The following LYPD6B variants were observed in gnomAD, a reference collection of about 807,000 sequenced individuals.
LYPD6B encodes ly6/PLAUR domain-containing protein 6B.
Under a neutral mutation model 22.8 loss-of-function variants are expected in LYPD6B, and 17 were observed. The ratio of observed to expected loss-of-function variants is 0.75; its 90% CI spans 0.51 to 1.12. The LOEUF is 1.12. Among genes scored for constraint, LYPD6B ranks in the 50% most tolerant of loss-of-function variants. LYPD6B has a pLI of 0.00. For synonymous variants in LYPD6B, 106 were observed against 91.6 expected, an observed-to-expected ratio of 1.16 and a Z score of -0.90; for missense variants, 221 against 258.3, an observed-to-expected ratio of 0.86 and a Z score of 0.99.
At chr2:149,173,995 T>A (rs202069108) in intron 3 of LYPD6B, among the ~76,000 whole-genome samples, 2 of 152,200 alleles carry the variant, frequency 1.3e-5, no homozygotes, top group Non-Finnish European at 1.5e-5. Context: ...GTACGGCCAT[T>A]TTCACAATAT....
intron 2 of LYPD6B, chr2:149,131,512 G>A (rs2105701582): frequency 6.6e-6 from 1 of 152,582 alleles, no homozygotes; most frequent in South Asian, 2.1e-4. Flanking sequence ...AAGAAAAAGA[G>A]GAGGGAAAGA....
At chr2:149,139,311 C>T (rs573798211) in intron 2 of LYPD6B, among the ~76,000 whole-genome samples, 23 of 152,288 alleles carry the variant, frequency 1.5e-4, no homozygotes, top group Middle Eastern at 3.4e-3. Context: ...TCTCAGGTGT[C>T]GTCAAAGGCT....
rs992570047 is a variant in LYPD6B, at chr2:149,160,725, A to G, written c.6-39A>G. 4 of 1,381,260 alleles carry G rather than the reference A, an allele frequency of 2.9e-6. No homozygotes were observed. The African/African-American group carries it at 4.3e-5, about 15-fold the overall frequency. The allele number at this position is 1,381,260 out of a possible 1,614,324, so 85.6% of individuals were successfully genotyped here. ...TTGTTCAAGAACGTTACTCATCGTC[A>G]GCAGTGGCTCTTTCCTTATCTTTTT... On this transcript the variant is annotated intron_variant, in intron 2 of 6. Coordinates refer to ENST00000409642, the MANE Select transcript of LYPD6B (RefSeq NM_177964.5).
chr2:149,070,671 G>A (rs952089534), intron 1 of LYPD6B, among the ~76,000 whole-genome samples: 3 of 152,134 alleles, frequency 2.0e-5, no homozygotes, highest in African/African-American at 7.2e-5. Context: ...CCCATTGTAA[G>A]CTAGCAATCA....
chr2:149,039,935 T>C (rs1233611436), intron 1 of LYPD6B, among the ~76,000 whole-genome samples: 1 of 152,222 alleles, frequency 6.6e-6, no homozygotes, highest in African/African-American at 2.4e-5. Flanking sequence ...CCTTATACTA[T>C]GTAGAAATTG....
intron 4 of LYPD6B, 65 bp downstream of exon 4, chr2:149,205,469 C>T: frequency 6.6e-7 from 1 of 1,504,706 alleles, no homozygotes; most frequent in Non-Finnish European, 9.0e-7. Context: ...ATGAAGCCCC[C>T]TTTTCCATTT....
intron 1 of LYPD6B, among the ~76,000 whole-genome samples, chr2:149,117,282 T>G (rs2105569807): frequency 6.6e-6 from 1 of 152,086 alleles, no homozygotes; most frequent in Middle Eastern, 3.4e-3. Context: ...TTTTTTTTTT[T>G]TTGAGACTTT....
chr2:149,171,850 T>C (rs1319646876), intron 3 of LYPD6B, among the ~76,000 whole-genome samples: 1 of 152,176 alleles, frequency 6.6e-6, no homozygotes, highest in Non-Finnish European at 1.5e-5. Flanking sequence ...CAATGATCTA[T>C]GTGAGAGCCC....
chr2:149,173,621 A>G (rs1034051748), intron 3 of LYPD6B, among the ~76,000 whole-genome samples: 1 of 152,188 alleles, frequency 6.6e-6, no homozygotes, highest in Non-Finnish European at 1.5e-5. Context: ...AGAATATTCT[A>G]TTTATTGCTT....
chr2:149,211,684 C>A (rs545139382), intron 5 of LYPD6B, among the ~76,000 whole-genome samples: 1 of 151,998 alleles, frequency 6.6e-6, no homozygotes, highest in East Asian at 1.9e-4. Flanking sequence ...ACTTGCTCAC[C>A]TATGACAAAG....
intron 1 of LYPD6B, among the ~76,000 whole-genome samples, chr2:149,094,758 C>T (rs990813916): frequency 3.9e-5 from 6 of 152,150 alleles, no homozygotes; most frequent in African/African-American, 1.4e-4. Flanking sequence ...ATAGATAGAT[C>T]TGACTTGTTA....
At chr2:149,213,490 A>C (rs1694003361) in intron 6 of LYPD6B, among the ~76,000 whole-genome samples, 1 of 152,248 alleles carries the variant, frequency 6.6e-6, no homozygotes, top group Non-Finnish European at 1.5e-5. Flanking sequence ...GATTAGCCTC[A>C]GTTTAATATG....
At chr2:149,091,387 T>TTA (rs1331724943) in intron 1 of LYPD6B, among the ~76,000 whole-genome samples, 2 of 150,408 alleles carry the variant, frequency 1.3e-5, no homozygotes, top group Non-Finnish European at 3.0e-5. Flanking sequence ...ACATATATAT[T>TTA]TATATATATA....
At chr2:149,181,607 C>G (rs1691727737) in intron 3 of LYPD6B, among the ~76,000 whole-genome samples, 1 of 152,140 alleles carries the variant, frequency 6.6e-6, no homozygotes, top group African/African-American at 2.4e-5. Context: ...TTGGCAGTCT[C>G]CTTTGCAAAA....
At chr2:149,125,248 C>CCCTGTTT (rs1559014426) in intron 1 of LYPD6B, among the ~76,000 whole-genome samples, 1 of 152,282 alleles carries the variant, frequency 6.6e-6, no homozygotes, top group East Asian at 1.9e-4. Context: ...AGTCAAACAA[C>CCCTGTTT]GCCTGGCCCC....
At chr2:149,201,955 T>A (rs1693187854) in intron 3 of LYPD6B, among the ~76,000 whole-genome samples, 1 of 152,186 alleles carries the variant, frequency 6.6e-6, no homozygotes, top group Non-Finnish European at 1.5e-5. Flanking sequence ...GTTTCCTCAC[T>A]TGTACAATGA....
intron 1 of LYPD6B, among the ~76,000 whole-genome samples, chr2:149,050,557 G>T (rs1319367549): frequency 4.6e-5 from 7 of 152,178 alleles, no homozygotes; most frequent in African/African-American, 1.7e-4. Context: ...TTTTAGTAAG[G>T]TATGGGAACC....
intron 1 of LYPD6B, among the ~76,000 whole-genome samples, chr2:149,107,202 C>T (rs1686520714): frequency 6.6e-6 from 1 of 152,050 alleles, no homozygotes; most frequent in Admixed American, 6.6e-5. Flanking sequence ...TGATAAAATG[C>T]CTATATGATG....
chr2:149,110,014 T>C (rs988786558), intron 1 of LYPD6B, among the ~76,000 whole-genome samples: 1 of 152,120 alleles, frequency 6.6e-6, no homozygotes, highest in African/African-American at 2.4e-5. Flanking sequence ...CCCGGCCACG[T>C]TCTTTTCTTT....
Sources: gnomAD v4.1 joint callset for allele counts (sites outside exome capture counted in the v4.1 genomes callset) on GRCh38, gnomAD v4.1.1 for gene constraint, MANE v1.5 for transcripts, NCBI Gene and HGNC (gene_info 2026-07-23, HGNC 2026-07-21) for gene names.